The following RNF13 variants were observed in gnomAD, a reference collection of about 807,000 sequenced individuals.
The protein encoded by RNF13 is ring finger protein 13.
In RNF13, 19 loss-of-function variants were observed where a neutral mutation model predicts 37.7. The ratio of observed to expected loss-of-function variants is 0.50; its 90% CI spans 0.35 to 0.74. The LOEUF (loss-of-function observed/expected upper bound fraction) is 0.74, where lower values mean the gene tolerates loss of function less well. RNF13 is among the 30% of genes least tolerant of loss of function. The probability of loss-of-function intolerance (pLI) is 0.01; values close to 1 mark genes in which losing one functional copy is unlikely to be tolerated. For synonymous variants in RNF13, 144 were observed against 157.8 expected, an observed-to-expected ratio of 0.91 and a Z score of 0.65; for missense variants, 375 against 453.0, an observed-to-expected ratio of 0.83 and a Z score of 1.56.
At chr3:149,847,317 G>A (rs1306191792) in intron 2 of RNF13, among the ~76,000 whole-genome samples, 1 of 152,170 alleles carries the variant, frequency 6.6e-6, no homozygotes, top group African/African-American at 2.4e-5. Flanking sequence ...CTCTAGGTCT[G>A]TGCTAAGGAT....
At position 149,895,557 on chromosome 3, in the gene RNF13, G is replaced by A. The variant is rs770685913; in HGVS notation, c.406G>A (p.Asp136Asn). ...SDDLISMGSN[D>N]IEVLKKIDIP... The stretch of plus-strand genomic sequence containing the variant: ...TGACCTCATTAGCATGGGATCCAAC[G>A]ACAGTAAGTACAGGTATCACTTTTC... Residue 136 changes from aspartate (D) to asparagine (N), a missense_variant, in exon 5 of 10, where the codon GAC becomes AAC. Asp to Asn is a conservative substitution (Grantham distance 23). Transcript: ENST00000392894. 25 of 1,580,526 alleles carry A rather than the reference G, an allele frequency of 1.6e-5. No individual in the cohort carries two copies. Among genetic ancestry groups the A allele is most frequent in the Non-Finnish European group, 2.1e-5 (24 of 1,152,326 alleles).
chr3:149,961,500 T>C lies in RNF13; in HGVS notation c.*396T>C, dbSNP rs907167421. ...CAGCTTCCACCTCCATAAAGTTACC[T>C]AGAGTTGTTGAGTTGGAATATGTTC... On this transcript the variant is annotated 3_prime_UTR_variant, in exon 10 of 10. Transcript: ENST00000392894. The C allele has an allele frequency of 1.8e-5, 6 of 332,458 alleles. No individual in the cohort carries two copies. The highest frequency in any genetic ancestry group is 2.9e-5 in the Non-Finnish European group (5 of 173,222). 20.6% of individuals were successfully genotyped at this position (332,458 alleles called of 1,614,324 possible).
chr3:149,960,196 A>T (rs566140604), intron 9 of RNF13, 60 bp downstream of exon 9: 1 of 1,145,238 alleles, frequency 8.7e-7, no homozygotes, highest in Non-Finnish European at 1.3e-6. Context: ...TAGGTTCCAT[A>T]TTCCAGGGGA....
intron 8 of RNF13, among the ~76,000 whole-genome samples, chr3:149,926,764 G>A (rs1446556161): frequency 6.6e-6 from 1 of 152,118 alleles, no homozygotes; most frequent in Non-Finnish European, 1.5e-5. Flanking sequence ...CCAGATATGT[G>A]TGGGTTTGTT....
chr3:149,831,706 G>T (rs1192070006), intron 1 of RNF13, among the ~76,000 whole-genome samples: 1 of 152,124 alleles, frequency 6.6e-6, no homozygotes, highest in Non-Finnish European at 1.5e-5. Flanking sequence ...AGGCATGATT[G>T]GTTTTGAAAT....
chr3:149,844,752 AG>A (rs1215288768), intron 1 of RNF13, among the ~76,000 whole-genome samples: 114 of 152,332 alleles, frequency 7.5e-4, no homozygotes, highest in African/African-American at 2.5e-3. Flanking sequence ...CAACAAATCT[AG>A]ACATTTAAAA....
At chr3:149,896,444 C>G (rs752666426) in intron 5 of RNF13, among the ~76,000 whole-genome samples, 1 of 151,576 alleles carries the variant, frequency 6.6e-6, no homozygotes, top group Non-Finnish European at 1.5e-5. Context: ...TAGCCTATGA[C>G]AGTGTTTTCT....
chr3:149,890,307 A>C (rs1714562634), intron 4 of RNF13, among the ~76,000 whole-genome samples: 1 of 152,118 alleles, frequency 6.6e-6, no homozygotes, highest in African/African-American at 2.4e-5. Context: ...CCCCTTATTC[A>C]AGTGCCTACT....
Position 149,845,970 on chromosome 3 carries a change from C to T in RNF13, c.-16-41C>T, listed in dbSNP as rs978364680. ...ATATCAAATGATCTATTCCCTGGGA[C>T]AAAGCACCAGCTCTCAGTTACTCAC... On this transcript the variant is annotated intron_variant, in intron 1 of 9. Transcript: ENST00000392894. 19 of 1,102,930 alleles carry T rather than the reference C, an allele frequency of 1.7e-5. 1 individual carries two copies. In the South Asian group the frequency reaches 2.2e-4, roughly 13 times the overall value. The allele number at this position is 1,102,930 out of a possible 1,614,324, so 68.3% of individuals were successfully genotyped here.
intron 4 of RNF13, among the ~76,000 whole-genome samples, chr3:149,872,406 C>G (rs1006524118): frequency 1.3e-5 from 2 of 152,136 alleles, no homozygotes; most frequent in Non-Finnish European, 2.9e-5. Context: ...TTAACTTCAG[C>G]CTTTAGTTTT....
intron 8 of RNF13, chr3:149,939,684 AT>A: frequency 6.3e-6 from 5 of 789,686 alleles, no homozygotes; most frequent in Non-Finnish European, 1.1e-5. Context: ...ACTGGTGCTC[AT>A]TTTCATCATT....
intron 8 of RNF13, among the ~76,000 whole-genome samples, chr3:149,954,171 T>C (rs907121069): frequency 6.6e-6 from 1 of 152,158 alleles, no homozygotes; most frequent in Non-Finnish European, 1.5e-5. Flanking sequence ...TCTAGTGGTT[T>C]TGACAAGGTA....
intron 3 of RNF13, among the ~76,000 whole-genome samples, chr3:149,868,311 C>A (rs550253488): frequency 6.6e-6 from 1 of 151,474 alleles, no homozygotes; most frequent in South Asian, 2.1e-4. Context: ...AGACCTTCAA[C>A]TATTTTTTTT....
At chr3:149,943,860 G>A (rs1488532662) in intron 8 of RNF13, among the ~76,000 whole-genome samples, 1 of 151,350 alleles carries the variant, frequency 6.6e-6, no homozygotes, top group Non-Finnish European at 1.5e-5. Flanking sequence ...TGCACACAAC[G>A]TGCAGGTTTG....
At chr3:149,925,373 T>C (rs1339114582) in intron 8 of RNF13, among the ~76,000 whole-genome samples, 1 of 152,194 alleles carries the variant, frequency 6.6e-6, no homozygotes, top group African/African-American at 2.4e-5. Flanking sequence ...AGATAAATAA[T>C]CCTTTCTTGT....
intron 1 of RNF13, among the ~76,000 whole-genome samples, chr3:149,839,539 A>G (rs1462227412): frequency 6.6e-6 from 1 of 150,928 alleles, no homozygotes; most frequent in Non-Finnish European, 1.5e-5. Context: ...CTTACATGGC[A>G]GCAAGCAAGA....
intron 9 of RNF13, 82 bp from the exon 10 acceptor site, chr3:149,960,658 A>G: frequency 7.3e-7 from 1 of 1,371,368 alleles, no homozygotes. Flanking sequence ...CATACAGAAC[A>G]CTGAATAAAT....
At chr3:149,944,597 C>A (rs1439564649) in intron 8 of RNF13, among the ~76,000 whole-genome samples, 6 of 152,200 alleles carry the variant, frequency 3.9e-5, no homozygotes, top group African/African-American at 1.4e-4. Flanking sequence ...TTGGCTGCAT[C>A]AATGTCTTCT....
chr3:149,899,849 T>C (rs545909670), intron 5 of RNF13, among the ~76,000 whole-genome samples: 1 of 152,186 alleles, frequency 6.6e-6, no homozygotes, highest in Non-Finnish European at 1.5e-5. Context: ...AAAAGAGACA[T>C]TCAGAGTTCA....
Sources: gnomAD v4.1 joint callset for allele counts (sites outside exome capture counted in the v4.1 genomes callset) on GRCh38, gnomAD v4.1.1 for gene constraint, MANE v1.5 for transcripts, NCBI Gene and HGNC (gene_info 2026-07-23, HGNC 2026-07-21) for gene names.